ATP13A1: variants seen among roughly 807,000 people sequenced by gnomAD.
The protein encoded by ATP13A1 is ATPase 13A1.
ATP13A1 carries 55 observed loss-of-function variants against 134.8 expected under a neutral mutation model. The ratio of observed to expected loss-of-function variants is 0.41; its 90% CI spans 0.33 to 0.51. ATP13A1 has a LOEUF of 0.51. ATP13A1 is among the 20% of genes least tolerant of loss of function. The probability of loss-of-function intolerance (pLI) is 0.29; values close to 1 mark genes in which losing one functional copy is unlikely to be tolerated. For missense variants in ATP13A1, 1,389 were observed against 1,652.8 expected, an observed-to-expected ratio of 0.84 and a Z score of 2.77; for synonymous variants, 775 against 725.1, an observed-to-expected ratio of 1.07 and a Z score of -1.10.
intron 13 of ATP13A1, among the ~76,000 whole-genome samples, 194 bp from the exon 14 acceptor site, chr19:19,654,338 G>C (rs2062043562): frequency 1.3e-5 from 2 of 152,170 alleles, no homozygotes; most frequent in Admixed American, 6.5e-5. Context: ...GCTTCGGCCA[G>C]GGCAGGGCAG....
In ATP13A1 at chr19:19,656,096, C is replaced by G. The variant is rs765269160; in HGVS notation, c.1171G>C (p.Val391Leu). 2 of 1,613,718 alleles carry G rather than the reference C, an allele frequency of 1.2e-6. No homozygotes were observed. Among genetic ancestry groups the G allele is most frequent in the Non-Finnish European group, 8.5e-7 (1 of 1,179,798 alleles). Residue 391 changes from valine (V) to leucine (L), a missense_variant, in exon 8 of 26, where the codon GTG becomes CTG. Transcript: ENST00000357324. The surrounding 1 kb of genome is among the most constrained non-coding windows in gnomAD (Gnocchi z 4.6). ...GCTTTCTGTGGGGGGATGTGCTGCA[C>G]CACCTTGGTGCCCCCGAAGATGACG... ...LHVIFGGTKV[V>L]QHIPPQKATT...
In ATP13A1 at chr19:19,649,615, A is replaced by C; in HGVS notation, c.2584T>G (p.Cys862Gly). Residue 862 changes from cysteine to glycine, a missense_variant, in exon 19 of 26, where the codon TGT becomes GGT. Coordinates refer to ENST00000357324, the MANE Select transcript of ATP13A1 (RefSeq NM_020410.3). Reference sequence around the variant, plus strand: ...CCCACGTCGTTGGTGCCATCCCCACACATGAGGGTCACGTAGCCCAGCTCC... The same window carrying C: ...CCCACGTCGTTGGTGCCATCCCCACCCATGAGGGTCACGTAGCCCAGCTCC... ...LKELGYVTLM[C>G]GDGTNDVGAL... is the part of the protein sequence containing the mutation. 1 of 1,613,882 alleles carries C rather than the reference A, an allele frequency of 6.2e-7. No homozygotes were observed. The highest frequency in any genetic ancestry group is 8.5e-7 in the Non-Finnish European group (1 of 1,179,856).
rs2062036908 is a variant in ATP13A1, at chr19:19,653,421, C to T, written c.2100+363G>A. The stretch of plus-strand genomic sequence containing the variant: ...AAAGAACGAGAGCCCAGGAAGAAGC[C>T]AAGCGGCAGATGTGCCGGTGGTGGA... On this transcript the variant is annotated intron_variant, in intron 15 of 25. Transcript: ENST00000357324. The surrounding 1 kb of genome is among the most constrained non-coding windows in gnomAD (Gnocchi z 4.2). The T allele has an allele frequency of 6.3e-6, 2 of 315,376 alleles. No homozygotes were observed. The highest frequency in any genetic ancestry group is 1.2e-5 in the Non-Finnish European group (2 of 168,140). 19.5% of individuals were successfully genotyped at this position (315,376 alleles called of 1,614,324 possible).
Position 19,645,844 on chromosome 19 carries a change from G to T in ATP13A1, c.3360+30C>A. ...TGGGGTGGGGCTGGGTGGGCAGACA[G>T]TGAATGTTTGGGCAGGGCCCAGGCC... is the stretch of plus-strand genomic sequence containing the variant. On this transcript the variant is annotated intron_variant, in intron 24 of 25. Coordinates refer to ENST00000357324, the MANE Select transcript of ATP13A1 (RefSeq NM_020410.3). The surrounding 1 kb of genome is among the most constrained non-coding windows in gnomAD (Gnocchi z 4.1). 1 of 1,612,684 alleles carries T rather than the reference G, an allele frequency of 6.2e-7. No homozygotes were observed. The highest frequency in any genetic ancestry group is 8.5e-7 in the Non-Finnish European group (1 of 1,179,252).
chr19:19,663,331 C>A lies in ATP13A1; in HGVS notation c.336G>T (p.Ala112=). ...LVLATICLAH[A]LTVLSGHWSV... is the part of the protein sequence containing the mutation. Reference sequence around the variant, plus strand: ...ACCAATGCCCCGAGAGGACAGTGAGCGCGTGCGCGAGGCAGATGGTGGCAA... The same window carrying A: ...ACCAATGCCCCGAGAGGACAGTGAGAGCGTGCGCGAGGCAGATGGTGGCAA... The change falls in exon 1 of 26, where the codon GCG becomes GCT. Residue 112 remains alanine (A), a synonymous_variant. Transcript: ENST00000357324. 1.3e-6 allele frequency: 2 copies of A among 1,591,924 alleles called. No individual in the cohort carries two copies. The highest frequency in any genetic ancestry group is 8.5e-7 in the Non-Finnish European group (1 of 1,170,478).
rs982332202 is a variant in ATP13A1 at position 19,653,762 on chromosome 19, C to A, written c.2100+22G>T. 6 of 1,532,394 alleles carry A rather than the reference C, an allele frequency of 3.9e-6. No homozygotes were observed. The highest frequency in any genetic ancestry group is 4.9e-5 in the East Asian group (2 of 40,808). 94.9% of individuals were successfully genotyped at this position (1,532,394 alleles called of 1,614,324 possible). A position where few individuals can be genotyped will look rare whatever the true frequency, so the allele number is the denominator to read the frequency against. ...TGACGGGCCAGGCACATGGTGAAGG[C>A]AGGGGGAGCCTGGGCCCGTACCTGC... is the stretch of plus-strand genomic sequence containing the variant. On this transcript the variant is annotated intron_variant, in intron 15 of 25. Coordinates refer to ENST00000357324, the MANE Select transcript of ATP13A1 (RefSeq NM_020410.3). The surrounding 1 kb of genome is among the most constrained non-coding windows in gnomAD (Gnocchi z 4.2).
chr19:19,654,528 G>A lies in ATP13A1; in HGVS notation c.1813+15C>T. ...GTGGCTCCCCCTTGCTGGGCCTGAG[G>A]CCCCAGCCCCTCACCTTTGGTCAGC... On this transcript the variant is annotated intron_variant, in intron 13 of 25. Transcript: ENST00000357324. The A allele has an allele frequency of 2.5e-6, 4 of 1,590,528 alleles. No homozygotes were observed. Among genetic ancestry groups the A allele is most frequent in the South Asian group, 1.1e-5 (1 of 88,936 alleles).
chr19:19,658,657 C>T (rs2062075238), intron 3 of ATP13A1, among the ~76,000 whole-genome samples: 1 of 152,152 alleles, frequency 6.6e-6, no homozygotes, highest in Non-Finnish European at 1.5e-5. Flanking sequence ...GGCTCCCAGC[C>T]ACGTGTCAGC....
rs1202343490 is a variant in ATP13A1 at position 19,657,004 on chromosome 19, T to C, written c.896A>G (p.His299Arg). The C allele has an allele frequency of 6.3e-7, 1 of 1,589,200 alleles. No individual in the cohort carries two copies. The highest frequency in any genetic ancestry group is 1.3e-5 in the African/African-American group (1 of 74,106). Residue 299 changes from histidine (H) to arginine (R), a missense_variant, in exon 5 of 26, where the codon CAC becomes CGC. This residue lies in a region of ATP13A1 where 747 missense variants were observed against 956.1 expected (regional missense o/e 0.78). Coordinates refer to ENST00000357324, the MANE Select transcript of ATP13A1 (RefSeq NM_020410.3). ...SEIRKMGNKPHMIQVYRSRKW... is the reference protein window; with the variant it reads ...SEIRKMGNKPRMIQVYRSRKW... The stretch of plus-strand genomic sequence containing the variant: ...CCCTGGCAGCCACACCTGGATCATG[T>C]GGGGCTTGTTGCCCATCTTCCGGAT...
At chr19:19,658,149 C>CAA (rs61328844) in intron 3 of ATP13A1, among the ~76,000 whole-genome samples, 1,376 of 66,174 alleles carry the variant, frequency 0.021, 12 homozygotes, top group Non-Finnish European at 0.027. Flanking sequence ...ACCCTGTCTC[C>CAA]AAAAAAAAAA....
intron 22 of ATP13A1, chr19:19,646,652 C>A: frequency 2.2e-6 from 1 of 461,042 alleles, no homozygotes; most frequent in Non-Finnish European, 4.0e-6. Context: ...CAGTCCCGCC[C>A]AGCCAATCTC....
chr19:19,663,274 G>C lies in ATP13A1; in HGVS notation c.393C>G (p.Thr131=), dbSNP rs951835231. The C allele has an allele frequency of 1.7e-5, 27 of 1,579,358 alleles. No homozygotes were observed. Among genetic ancestry groups the C allele is most frequent in the Non-Finnish European group, 2.3e-5 (27 of 1,164,278 alleles). Residue 131 remains threonine (T), a synonymous_variant, in exon 1 of 26, where the codon ACC becomes ACG. Transcript: ENST00000357324. The part of the protein sequence containing the change: ...SVHAHCALTC[T]PEYDPSKATF... ...GGGCTCGCGTGTACACACTTACCGGGGTGCAGGTGAGCGCGCAATGCGCGT... is the reference window on the plus strand; with the variant it reads ...GGGCTCGCGTGTACACACTTACCGGCGTGCAGGTGAGCGCGCAATGCGCGT...
Position 19,653,322 on chromosome 19 carries a change from G to A in ATP13A1, c.2100+462C>T, listed in dbSNP as rs2062036320. On this transcript the variant is annotated intron_variant, in intron 15 of 25. Coordinates refer to ENST00000357324, the MANE Select transcript of ATP13A1 (RefSeq NM_020410.3). The surrounding 1 kb of genome is among the most constrained non-coding windows in gnomAD (Gnocchi z 4.2). ...CAGAGCATGCAGGCTGTGAGCTGTG[G>A]CCTGGGCTCTGCACACAGTACTGCA... The A allele has an allele frequency of 1.0e-5, 2 of 193,606 alleles. No homozygotes were observed. Among genetic ancestry groups the A allele is most frequent in the Non-Finnish European group, 1.1e-5 (1 of 92,762 alleles). 12.0% of individuals were successfully genotyped at this position (193,606 alleles called of 1,614,324 possible).
In ATP13A1 at chr19:19,656,358, T is replaced by C. The variant is rs35035906; in HGVS notation, c.1084-175A>G. 0.059 allele frequency among the ~76,000 whole-genome samples: 8,907 copies of C among 152,154 alleles called. 350 individuals carry two copies. The highest frequency in any genetic ancestry group is 0.19 in the East Asian group (962 of 5,162). On this transcript the variant is annotated intron_variant, in intron 7 of 25. Coordinates refer to ENST00000357324, the MANE Select transcript of ATP13A1 (RefSeq NM_020410.3). This position sits in a 1 kb window ranked among gnomAD's most constrained non-coding sequence, Gnocchi z 4.6. ...CTCACCCCGTCCTGTCTTCTCCCCA[T>C]TGCACTCACAGTGCCTGCTCTCTGG...
Position 19,659,684 on chromosome 19 carries a change from G to A in ATP13A1, c.594C>T (p.Asn198=), listed in dbSNP as rs754582650. The A allele has an allele frequency of 1.3e-5, 21 of 1,613,788 alleles. No homozygotes were observed. The highest frequency in any genetic ancestry group is 8.3e-5 in the Admixed American group (5 of 59,984). Residue 198 remains asparagine (N), a synonymous_variant, in exon 3 of 26, where the codon AAC becomes AAT. Coordinates refer to ENST00000357324, the MANE Select transcript of ATP13A1 (RefSeq NM_020410.3). ...TGTTGCTCTGATAGTATGAGAAGGCGTTTCCCACAGGAAAGGCCACGGGGA... is the reference window on the plus strand; with the variant it reads ...TGTTGCTCTGATAGTATGAGAAGGCATTTCCCACAGGAAAGGCCACGGGGA... ...QFLPVAFPVG[N]AFSYYQSNRG... is the part of the protein sequence containing the mutation.
chr19:19,654,262 C>G, intron 13 of ATP13A1, 118 bp from the exon 14 acceptor site: 1 of 1,166,234 alleles, frequency 8.6e-7, no homozygotes, highest in Non-Finnish European at 1.2e-6. Context: ...CTGATCGGGG[C>G]TCTGGGCTAG....
intron 3 of ATP13A1, 36 bp from the exon 4 acceptor site, chr19:19,657,444 A>G: frequency 6.5e-7 from 1 of 1,546,892 alleles, no homozygotes; most frequent in African/African-American, 1.4e-5. Flanking sequence ...TTCCCAGGGC[A>G]AGGCCTCTGG....
chr19:19,662,700 G>C (rs780797537), intron 1 of ATP13A1, among the ~76,000 whole-genome samples: 21 of 152,248 alleles, frequency 1.4e-4, no homozygotes, highest in Non-Finnish European at 2.2e-4. Flanking sequence ...TAAATGACTC[G>C]CTCATAAACA....
chr19:19,662,522 C>T (rs79609195), intron 1 of ATP13A1, among the ~76,000 whole-genome samples: 2,917 of 152,180 alleles, frequency 0.019, 48 homozygotes, highest in South Asian at 0.046. Flanking sequence ...CAGAGAGAGA[C>T]GACACAGTCA....
Sources: gnomAD v4.1 joint callset for allele counts (sites outside exome capture counted in the v4.1 genomes callset) on GRCh38, gnomAD v4.1.1 for gene constraint, gnomAD v4.1.1 regional missense constraint, Gnocchi (gnomAD v3.1) non-coding constraint, MANE v1.5 for transcripts, NCBI Gene and HGNC (gene_info 2026-07-23, HGNC 2026-07-21) for gene names.